SPAST: variants seen among roughly 807,000 people sequenced by gnomAD.
The protein encoded by SPAST is spastic paraplegia 4 (autosomal dominant; spastin).
SPAST carries 30 observed loss-of-function variants against 76.6 expected under a neutral mutation model. That is an observed-to-expected ratio of 0.39 (90% CI 0.29 to 0.53). The LOEUF is 0.53. Among genes scored for constraint, SPAST ranks in the 20% least tolerant of loss-of-function variants. SPAST has a pLI of 0.68. For synonymous variants in SPAST, 305 were observed against 281.0 expected (o/e 1.09, Z -0.86); for missense variants, 717 against 770.5 (o/e 0.93, Z 0.82).
chr2:32,147,930 C>A (rs1395069079), intron 16 of SPAST, among the ~76,000 whole-genome samples: 1 of 116,460 alleles, frequency 8.6e-6, no homozygotes, highest in African/African-American at 3.3e-5. Context: ...TGCGCCCGGC[C>A]TTTTTTTTTT....
rs1676400508 is a variant in SPAST, at chr2:32,064,020, G to A, written c.189G>A (p.Leu63=). 1 of 1,613,494 alleles carries A rather than the reference G, an allele frequency of 6.2e-7. No homozygotes were observed. The highest frequency in any genetic ancestry group is 1.3e-5 in the African/African-American group (1 of 75,004). The change falls in exon 1 of 17, where the codon CTG becomes CTA. Residue 63 remains leucine, a synonymous_variant. Transcript: ENST00000315285. ...ACCCGCTGTTTGTAGGCTTCGCGCT[G>A]CTGCGTTTGGTCGCCTTCCACCTGG... The part of the protein sequence containing the change: ...FSYPLFVGFA[L]LRLVAFHLGL...
chr2:32,068,856 T>G (rs1287216394), intron 1 of SPAST, among the ~76,000 whole-genome samples: 1 of 150,780 alleles, frequency 6.6e-6, no homozygotes, highest in Non-Finnish European at 1.5e-5. Context: ...ATCTCACCCA[T>G]TGCACTCCTG....
At chr2:32,125,374 C>T (rs991650599) in intron 7 of SPAST, among the ~76,000 whole-genome samples, 4 of 152,034 alleles carry the variant, frequency 2.6e-5, no homozygotes, top group Admixed American at 6.6e-5. Context: ...CAGGCATGTG[C>T]CACCACGCCC....
At chr2:32,101,514 GT>G (rs1678125103) in intron 4 of SPAST, among the ~76,000 whole-genome samples, 2 of 152,154 alleles carry the variant, frequency 1.3e-5, no homozygotes, top group South Asian at 4.1e-4. Flanking sequence ...TGCTTTTGGT[GT>G]TTTAGGCATG....
At chr2:32,150,690 C>T (rs901393574) in intron 16 of SPAST, among the ~76,000 whole-genome samples, 31 of 152,124 alleles carry the variant, frequency 2.0e-4, no homozygotes, top group Admixed American at 5.9e-4. Flanking sequence ...ACTTGCACCT[C>T]CCAAAATGCT....
At position 32,115,559 on chromosome 2, in the gene SPAST, G is replaced by C. The variant is rs376805276; in HGVS notation, c.871-143G>C. 2.2e-5 allele frequency: 13 copies of C among 603,980 alleles called. No individual in the cohort carries two copies. The South Asian group carries it at 3.1e-4, about 15-fold the overall frequency. The allele number at this position is 603,980 out of a possible 1,614,324, so 37.4% of individuals were successfully genotyped here. A position where few individuals can be genotyped will look rare whatever the true frequency, so the allele number is the denominator to read the frequency against. ...CTAGTGAATACAGTTTTACCTTCAGGTAAATAAATATACAATTTATGGATT... is the reference window on the plus strand; with the variant it reads ...CTAGTGAATACAGTTTTACCTTCAGCTAAATAAATATACAATTTATGGATT... On this transcript the variant is annotated intron_variant, in intron 5 of 16. Coordinates refer to ENST00000315285, the MANE Select transcript of SPAST (RefSeq NM_014946.4).
chr2:32,093,463 C>T (rs1234987113), intron 3 of SPAST, among the ~76,000 whole-genome samples: 1 of 152,186 alleles, frequency 6.6e-6, no homozygotes, highest in Non-Finnish European at 1.5e-5. Flanking sequence ...GCCTGGATGA[C>T]AGAGTGAGAC....
intron 7 of SPAST, among the ~76,000 whole-genome samples, chr2:32,121,876 T>C (rs1453547420): frequency 1.3e-5 from 2 of 152,242 alleles, no homozygotes; most frequent in East Asian, 1.9e-4. Flanking sequence ...GTGTCTTTTA[T>C]GTCTCTGAGA....
At chr2:32,066,875 G>A (rs1676532972) in intron 1 of SPAST, among the ~76,000 whole-genome samples, 1 of 148,424 alleles carries the variant, frequency 6.7e-6, no homozygotes, top group African/African-American at 2.5e-5. Flanking sequence ...TTGGGGGGCT[G>A]AGGTAGGAGG....
chr2:32,089,737 A>G, intron 3 of SPAST, 132 bp downstream of exon 3: 1 of 653,348 alleles, frequency 1.5e-6, no homozygotes, highest in Non-Finnish European at 2.8e-6. Context: ...AAAACGTATA[A>G]CATATACAAA....
chr2:32,131,671 C>G (rs372996651), intron 9 of SPAST, among the ~76,000 whole-genome samples: 1 of 108,018 alleles, frequency 9.3e-6, no homozygotes, highest in Non-Finnish European at 1.8e-5. Context: ...CAACCATTCT[C>G]TTTTTTTTTT....
intron 1 of SPAST, among the ~76,000 whole-genome samples, chr2:32,080,156 A>T (rs1677146528): frequency 6.6e-6 from 1 of 152,140 alleles, no homozygotes; most frequent in Non-Finnish European, 1.5e-5. Context: ...TTTGATTTGC[A>T]TGTATTTTTC....
intron 16 of SPAST, among the ~76,000 whole-genome samples, chr2:32,150,588 C>T (rs1182201356): frequency 6.6e-6 from 1 of 151,684 alleles, no homozygotes; most frequent in Non-Finnish European, 1.5e-5. Flanking sequence ...CGGGCATGTA[C>T]CACCACACTC....
chr2:32,090,203 G>T (rs1677656400), intron 3 of SPAST, among the ~76,000 whole-genome samples: 1 of 152,194 alleles, frequency 6.6e-6, no homozygotes, highest in Non-Finnish European at 1.5e-5. Flanking sequence ...CTATAAATAA[G>T]GTTTTATTGG....
At chr2:32,103,934 G>A (rs539380050) in intron 4 of SPAST, among the ~76,000 whole-genome samples, 2 of 152,278 alleles carry the variant, frequency 1.3e-5, no homozygotes, top group South Asian at 4.1e-4. Flanking sequence ...TGAGAAGAAT[G>A]TATATTCTGT....
intron 7 of SPAST, among the ~76,000 whole-genome samples, chr2:32,117,993 A>G (rs1255223591): frequency 6.6e-6 from 1 of 152,200 alleles, no homozygotes; most frequent in African/African-American, 2.4e-5. Flanking sequence ...TTGGCTTTCC[A>G]TACTTAGCAC....
intron 1 of SPAST, among the ~76,000 whole-genome samples, chr2:32,066,480 C>G (rs1477343662): frequency 1.3e-5 from 2 of 151,536 alleles, no homozygotes; most frequent in African/African-American, 4.9e-5. Flanking sequence ...CCATCCTGGC[C>G]AACATGGTGA....
chr2:32,067,383 CT>C (rs548564116), intron 1 of SPAST, among the ~76,000 whole-genome samples: 71 of 152,106 alleles, frequency 4.7e-4, no homozygotes, highest in African/African-American at 1.6e-3. Flanking sequence ...TTAGTTAACA[CT>C]GTTGGTTGAT....
chr2:32,097,717 A>C (rs529257588), intron 3 of SPAST, among the ~76,000 whole-genome samples: 11 of 136,588 alleles, frequency 8.1e-5, no homozygotes, highest in Non-Finnish European at 1.1e-4. Flanking sequence ...TTTTTGAGAC[A>C]GAGTCTCGCT....
Sources: gnomAD v4.1 joint callset for allele counts (sites outside exome capture counted in the v4.1 genomes callset) on GRCh38, gnomAD v4.1.1 for gene constraint, MANE v1.5 for transcripts, NCBI Gene and HGNC (gene_info 2026-07-23, HGNC 2026-07-21) for gene names.